CACNA1C: variants seen among roughly 807,000 people sequenced by gnomAD.
CACNA1C encodes the protein calcium voltage-gated channel subunit alpha1 C.
Under a neutral mutation model 229.0 loss-of-function variants are expected in CACNA1C, and 30 were observed. The observed-to-expected ratio is 0.13, with a 90% CI of 0.10 to 0.18. The LOEUF is 0.18. Among genes scored for constraint, CACNA1C ranks in the 10% least tolerant of loss-of-function variants. The pLI, the probability that CACNA1C is intolerant of heterozygous loss-of-function variation, is 1.00. For missense variants in CACNA1C, 1,658 were observed against 2,845.0 expected (o/e 0.58, Z 9.49); for synonymous variants, 1,114 against 1,132.5 (o/e 0.98, Z 0.33).
At chr12:2,290,387 C>G (rs1408649445) in intron 3 of CACNA1C, among the ~76,000 whole-genome samples, 1 of 152,160 alleles carries the variant, frequency 6.6e-6, no homozygotes. Flanking sequence ...GGTGTTGACT[C>G]CCTCTGGGCA....
chr12:2,295,297 C>G (rs1220320372), intron 3 of CACNA1C, among the ~76,000 whole-genome samples: 1 of 152,180 alleles, frequency 6.6e-6, no homozygotes. Flanking sequence ...TGCCGCTTCT[C>G]ACCTCTGGCA....
At chr12:2,197,596 A>G (rs988123358) in intron 3 of CACNA1C, among the ~76,000 whole-genome samples, 7 of 152,226 alleles carry the variant, frequency 4.6e-5, no homozygotes, top group Non-Finnish European at 2.9e-5. Context: ...GTTCAGTGCA[A>G]GTACTAAAAC....
At chr12:2,507,825 A>G (rs2099775049) in intron 8 of CACNA1C, among the ~76,000 whole-genome samples, 1 of 152,216 alleles carries the variant, frequency 6.6e-6, no homozygotes, top group South Asian at 2.1e-4. Context: ...ATGTGAATCC[A>G]TCACTTCTAT....
chr12:2,559,276 AAATG>A (rs763809647), intron 11 of CACNA1C, among the ~76,000 whole-genome samples: 48 of 152,372 alleles, frequency 3.2e-4, no homozygotes, highest in Admixed American at 7.8e-4. Context: ...ATAAATTAAT[AAATG>A]AATGAATGAA....
At position 2,275,131 on chromosome 12, in the gene CACNA1C, T is replaced by C. The variant is rs2087161277; in HGVS notation, c.477+154701T>C. 6.6e-6 allele frequency among the ~76,000 whole-genome samples: 1 copy of C among 152,244 alleles called. No homozygotes were observed. Among genetic ancestry groups the C allele is most frequent in the African/African-American group, 2.4e-5 (1 of 41,464 alleles). ...CATTTCTCTGCTGTCAGAATGGTTTTGTTTTCTGATTTATTTTGATCTGCT... is the reference window on the plus strand; with the variant it reads ...CATTTCTCTGCTGTCAGAATGGTTTCGTTTTCTGATTTATTTTGATCTGCT... On this transcript the variant is annotated intron_variant, in intron 3 of 46. Transcript: ENST00000399655. The surrounding 1 kb of genome is among the most constrained non-coding windows in gnomAD (Gnocchi z 4.1).
chr12:2,290,057 A>T (rs769102872), intron 3 of CACNA1C, among the ~76,000 whole-genome samples: 3 of 152,168 alleles, frequency 2.0e-5, no homozygotes, highest in Non-Finnish European at 4.4e-5. Flanking sequence ...TATTTCTTTG[A>T]CTTTACCTCC....
intron 1 of CACNA1C, among the ~76,000 whole-genome samples, chr12:2,004,913 C>T (rs2043094979): frequency 6.6e-6 from 1 of 151,564 alleles, no homozygotes; most frequent in Non-Finnish European, 1.5e-5. Context: ...TGGTGTGGTC[C>T]TGGAACCCTT....
At chr12:2,226,114 T>C (rs1280817184) in intron 3 of CACNA1C, among the ~76,000 whole-genome samples, 1 of 131,368 alleles carries the variant, frequency 7.6e-6, no homozygotes, top group Non-Finnish European at 1.6e-5. Context: ...GCCGCTTGGA[T>C]ATGGGGACGC....
chr12:2,043,707 C>G (rs1372797385), intron 1 of CACNA1C, among the ~76,000 whole-genome samples: 28 of 132,592 alleles, frequency 2.1e-4, no homozygotes, highest in African/African-American at 8.2e-4. Context: ...GGACTGCGGA[C>G]TGCAGTGGCG....
At chr12:2,157,479 G>A (rs149637761) in intron 3 of CACNA1C, among the ~76,000 whole-genome samples, 1 of 152,350 alleles carries the variant, frequency 6.6e-6, no homozygotes, top group African/African-American at 2.4e-5. Context: ...GACTTCTGGA[G>A]TATCTCCCAC....
chr12:2,441,324 G>A (rs10774044), intron 3 of CACNA1C, among the ~76,000 whole-genome samples: 10,357 of 152,276 alleles, frequency 0.068, 412 homozygotes, highest in South Asian at 0.11. Flanking sequence ...GCACATGGGA[G>A]TAGACACTTC....
chr12:2,398,004 T>C (rs2098614376), intron 3 of CACNA1C, among the ~76,000 whole-genome samples: 1 of 152,236 alleles, frequency 6.6e-6, no homozygotes, highest in African/African-American at 2.4e-5. Context: ...CTGTCACTCC[T>C]GAATCTCCAT....
In CACNA1C at chr12:2,653,714, C is replaced by G; in HGVS notation, c.4075-121C>G. The G allele has an allele frequency of 1.2e-6, 1 of 800,196 alleles. No individual in the cohort carries two copies. Among genetic ancestry groups the G allele is most frequent in the Admixed American group, 2.0e-5 (1 of 49,906 alleles). The allele number at this position is 800,196 out of a possible 1,614,324, so 49.6% of individuals were successfully genotyped here. A position where few individuals can be genotyped will look rare whatever the true frequency, so the allele number is the denominator to read the frequency against. On this transcript the variant is annotated intron_variant, in intron 32 of 46. Coordinates refer to ENST00000399655, the MANE Select transcript of CACNA1C (RefSeq NM_000719.7). The surrounding 1 kb of genome is among the most constrained non-coding windows in gnomAD (Gnocchi z 4.7). ...GTCCTGTGGGACTCTTGGAAGTGTCCCCCGGCCCAAACCGGGCAATAGCTG... is the reference window on the plus strand; with the variant it reads ...GTCCTGTGGGACTCTTGGAAGTGTCGCCCGGCCCAAACCGGGCAATAGCTG...
intron 9 of CACNA1C, among the ~76,000 whole-genome samples, chr12:2,543,812 A>T (rs969923549): frequency 1.3e-5 from 2 of 152,222 alleles, no homozygotes; most frequent in African/African-American, 4.8e-5. Flanking sequence ...TCATAAAATG[A>T]TCATACAGTT....
At chr12:2,008,325 C>T (rs2043828952) in intron 1 of CACNA1C, among the ~76,000 whole-genome samples, 1 of 151,976 alleles carries the variant, frequency 6.6e-6, no homozygotes, top group Non-Finnish European at 1.5e-5. Context: ...CACTACGTTG[C>T]TCAGGATGGA....
chr12:2,688,047 G>A (rs993974173), intron 45 of CACNA1C, among the ~76,000 whole-genome samples: 9 of 152,206 alleles, frequency 5.9e-5, no homozygotes, highest in South Asian at 4.1e-4. Context: ...CAGGGCAGAT[G>A]GATAGACAGC....
At chr12:2,328,000 A>G (rs2096395505) in intron 3 of CACNA1C, among the ~76,000 whole-genome samples, 1 of 152,222 alleles carries the variant, frequency 6.6e-6, no homozygotes, top group African/African-American at 2.4e-5. Context: ...ATTACTCTGT[A>G]GGAGAACATA....
chr12:2,337,081 A>G (rs2154519351), intron 3 of CACNA1C, among the ~76,000 whole-genome samples: 1 of 152,286 alleles, frequency 6.6e-6, no homozygotes, highest in Non-Finnish European at 1.5e-5. Context: ...GCTAGGTACT[A>G]GGGGACTGGT....
intron 3 of CACNA1C, among the ~76,000 whole-genome samples, chr12:2,229,637 G>A (rs1314066013): frequency 6.6e-6 from 1 of 152,130 alleles, no homozygotes; most frequent in Admixed American, 6.5e-5. Flanking sequence ...ATGAGGGAAG[G>A]CCTCCGCAGG....
Sources: allele counts gnomAD v4.1 joint callset (sites outside exome capture counted in the v4.1 genomes callset), GRCh38; gene constraint gnomAD v4.1.1; non-coding constraint Gnocchi (gnomAD v3.1); transcripts MANE v1.5; gene names NCBI Gene and HGNC (gene_info 2026-07-23, HGNC 2026-07-21).